The following PEBP4 variants were observed in gnomAD, a reference collection of about 807,000 sequenced individuals.
PEBP4 encodes phosphatidylethanolamine binding protein 4.
A neutral mutation model predicts 23.9 loss-of-function variants in PEBP4; 22 were observed. The ratio of observed to expected loss-of-function variants is 0.92; its 90% confidence interval spans 0.66 to 1.31. PEBP4 has a LOEUF of 1.31. PEBP4 is among the 40% of genes most tolerant of loss of function. The pLI, the probability that PEBP4 is intolerant of heterozygous loss-of-function variation, is 0.00. For synonymous variants in PEBP4, 112 were observed against 99.3 expected (o/e 1.13, Z -0.76); for missense variants, 324 against 281.7 (o/e 1.15, Z -1.07).
At chr8:22,743,884 G>A (rs550307149) in intron 4 of PEBP4, among the ~76,000 whole-genome samples, 50 of 152,312 alleles carry the variant, frequency 3.3e-4, no homozygotes, top group African/African-American at 1.1e-3. Flanking sequence ...CTGGCCCGCT[G>A]AATCACCAGT....
intron 4 of PEBP4, among the ~76,000 whole-genome samples, chr8:22,761,852 C>T (rs1219066349): frequency 6.6e-6 from 1 of 152,012 alleles, no homozygotes; most frequent in Non-Finnish European, 1.5e-5. Flanking sequence ...TCACAGCACG[C>T]TAAAGAATAC....
At position 22,842,643 on chromosome 8, in the gene PEBP4, G is replaced by T. The variant is rs74872428; in HGVS notation, c.259-24908C>A. On this transcript the variant is annotated intron_variant, in intron 3 of 6. Coordinates refer to ENST00000256404, the MANE Select transcript of PEBP4 (RefSeq NM_144962.3). The stretch of plus-strand genomic sequence containing the variant: ...TGTCAACAGACCAGGATCCCAACAG[G>T]CCTGCACAGCCATAGGAAGGGTGTG... Among the ~76,000 whole-genome samples, 302 of 152,216 alleles carry T rather than the reference G, an allele frequency of 2.0e-3. 9 individuals are homozygous for T. The East Asian group carries it at 0.049, about 25-fold the overall frequency.
At chr8:22,750,569 C>T (rs1289110546) in intron 4 of PEBP4, among the ~76,000 whole-genome samples, 1 of 152,142 alleles carries the variant, frequency 6.6e-6, no homozygotes, top group Admixed American at 6.5e-5. Context: ...TGTTGATCTG[C>T]CCGTTGGGGT....
chr8:22,868,668 A>G (rs1245040252), intron 3 of PEBP4, among the ~76,000 whole-genome samples: 1 of 152,150 alleles, frequency 6.6e-6, no homozygotes, highest in Non-Finnish European at 1.5e-5. Context: ...ACGTCCTTCC[A>G]GTGGCTCAGG....
intron 4 of PEBP4, among the ~76,000 whole-genome samples, chr8:22,809,405 A>AT (rs767168153): frequency 5.3e-5 from 8 of 152,252 alleles, no homozygotes; most frequent in Admixed American, 1.3e-4. Context: ...CAAACTGCTT[A>AT]CACCAGCATC....
Position 22,865,130 on chromosome 8 carries a change from C to T in PEBP4, c.259-47395G>A, listed in dbSNP as rs1807859922. Among the ~76,000 whole-genome samples, 1 of 151,900 alleles carries T rather than the reference C, an allele frequency of 6.6e-6. No individual in the cohort carries two copies. The highest frequency in any genetic ancestry group is 6.6e-5 in the Admixed American group (1 of 15,262). On this transcript the variant is annotated intron_variant, in intron 3 of 6. Coordinates refer to ENST00000256404, the MANE Select transcript of PEBP4 (RefSeq NM_144962.3). The surrounding 1 kb of genome is among the most constrained non-coding windows in gnomAD (Gnocchi z 6.9). The stretch of plus-strand genomic sequence containing the variant: ...GGGTAGACAGAAGGGCTGGGGCGGC[C>T]CGGGGAAGAACCAGTGCTGGACGGG...
intron 3 of PEBP4, among the ~76,000 whole-genome samples, chr8:22,848,495 G>A (rs544354663): frequency 7.7e-4 from 117 of 152,240 alleles, no homozygotes; most frequent in African/African-American, 2.6e-3. Flanking sequence ...GTGTGCATGT[G>A]TGTGTGAGTG....
At chr8:22,852,998 C>T (rs1453626941) in intron 3 of PEBP4, among the ~76,000 whole-genome samples, 1 of 152,214 alleles carries the variant, frequency 6.6e-6, no homozygotes, top group Non-Finnish European at 1.5e-5. Flanking sequence ...AATTACCATG[C>T]TTCCAAGCGA....
intron 4 of PEBP4, among the ~76,000 whole-genome samples, chr8:22,729,213 C>A (rs1385206525): frequency 1.3e-5 from 2 of 152,248 alleles, no homozygotes; most frequent in Non-Finnish European, 2.9e-5. Flanking sequence ...AGATGCCTAG[C>A]AGCCACTCTC....
intron 4 of PEBP4, among the ~76,000 whole-genome samples, chr8:22,755,410 A>T (rs1805359799): frequency 7.5e-6 from 1 of 132,922 alleles, no homozygotes; most frequent in African/African-American, 2.9e-5. Context: ...ATCTCGGCTC[A>T]TTGCAACCTC....
intron 4 of PEBP4, among the ~76,000 whole-genome samples, chr8:22,746,698 A>C (rs1055425613): frequency 2.2e-4 from 33 of 151,748 alleles, no homozygotes; most frequent in Admixed American, 3.9e-4. Context: ...CTTCCATCAG[A>C]GAACAGATTT....
At chr8:22,919,024 G>T (rs2128780469) in intron 3 of PEBP4, among the ~76,000 whole-genome samples, 1 of 152,294 alleles carries the variant, frequency 6.6e-6, no homozygotes, top group Non-Finnish European at 1.5e-5. Flanking sequence ...ACCTAGCAAA[G>T]CTTCATGACA....
At chr8:22,752,953 G>C (rs941894812) in intron 4 of PEBP4, among the ~76,000 whole-genome samples, 1 of 152,158 alleles carries the variant, frequency 6.6e-6, no homozygotes, top group Non-Finnish European at 1.5e-5. Context: ...TCTCCAGGCT[G>C]GAGACGTATT....
At chr8:22,931,307 A>T (rs1809453094), upstream of PEBP4, among the ~76,000 whole-genome samples, 2 of 152,330 alleles carry the variant, frequency 1.3e-5, no homozygotes, top group South Asian at 4.1e-4. Flanking sequence ...TATGTTCACA[A>T]GCTTGTGCAA....
intron 4 of PEBP4, among the ~76,000 whole-genome samples, chr8:22,769,253 C>T (rs1008036075): frequency 6.6e-6 from 1 of 152,192 alleles, no homozygotes; most frequent in African/African-American, 2.4e-5. Flanking sequence ...TCCCTCAGGC[C>T]CATACTCTTG....
chr8:22,843,801 TG>T (rs1231293488), intron 3 of PEBP4, among the ~76,000 whole-genome samples: 1 of 152,164 alleles, frequency 6.6e-6, no homozygotes, highest in Non-Finnish European at 1.5e-5. Flanking sequence ...GCCTGGATTC[TG>T]GATCAAGGGT....
intron 3 of PEBP4, among the ~76,000 whole-genome samples, chr8:22,897,137 A>G (rs1808604576): frequency 6.6e-6 from 1 of 152,072 alleles, no homozygotes; most frequent in African/African-American, 2.4e-5. Flanking sequence ...GAAACATTCA[A>G]AATTGAGTAA....
chr8:22,732,710 G>T (rs1275440841), intron 4 of PEBP4, among the ~76,000 whole-genome samples: 1 of 152,146 alleles, frequency 6.6e-6, no homozygotes, highest in Non-Finnish European at 1.5e-5. Context: ...GTATGTGAGT[G>T]TAGGGTACTG....
At chr8:22,752,128 C>A (rs1415838933) in intron 4 of PEBP4, among the ~76,000 whole-genome samples, 5 of 150,966 alleles carry the variant, frequency 3.3e-5, no homozygotes, top group Admixed American at 6.6e-5. Context: ...TGGTCTCGAA[C>A]TCACTCCTGG....
Sources: gnomAD v4.1 joint callset for allele counts (sites outside exome capture counted in the v4.1 genomes callset) on GRCh38, gnomAD v4.1.1 for gene constraint, Gnocchi (gnomAD v3.1) non-coding constraint, MANE v1.5 for transcripts, NCBI Gene and HGNC (gene_info 2026-07-23, HGNC 2026-07-21) for gene names.